PPP4R4: variants seen among roughly 807,000 people sequenced by gnomAD.
PPP4R4 encodes protein phosphatase 4 regulatory subunit 4.
PPP4R4 carries 70 observed loss-of-function variants against 121.8 expected under a neutral mutation model. That is an observed-to-expected ratio of 0.57 (90% CI 0.47 to 0.70). PPP4R4 has a LOEUF of 0.70. Ranked by LOEUF, PPP4R4 falls within the 30% of genes least tolerant of loss-of-function variation. The probability of loss-of-function intolerance (pLI) is 0.00; values close to 1 mark genes in which losing one functional copy is unlikely to be tolerated. For missense variants in PPP4R4, 875 were observed against 1,033.6 expected (o/e 0.85, Z 2.10); for synonymous variants, 348 against 355.7 (o/e 0.98, Z 0.24).
At chr14:94,183,654 C>T (rs2139384100) in intron 2 of PPP4R4, among the ~76,000 whole-genome samples, 1 of 152,154 alleles carries the variant, frequency 6.6e-6, no homozygotes, top group African/African-American at 2.4e-5. Flanking sequence ...CTCATGGGAT[C>T]TATAGGAAAA....
chr14:94,184,618 C>T (rs1889166708), intron 2 of PPP4R4, among the ~76,000 whole-genome samples: 1 of 152,146 alleles, frequency 6.6e-6, no homozygotes, highest in African/African-American at 2.4e-5. Flanking sequence ...GTCCAATGAA[C>T]TTTTAAATCT....
intron 2 of PPP4R4, among the ~76,000 whole-genome samples, chr14:94,191,570 A>G (rs1379189555): frequency 6.6e-6 from 1 of 152,122 alleles, no homozygotes; most frequent in Non-Finnish European, 1.5e-5. Flanking sequence ...TTCACCTTAC[A>G]CTGGTACAGA....
At chr14:94,243,304 A>G (rs184381071) in intron 11 of PPP4R4, among the ~76,000 whole-genome samples, 126 of 152,250 alleles carry the variant, frequency 8.3e-4, no homozygotes, top group African/African-American at 2.9e-3. Flanking sequence ...CTGCACAATT[A>G]TATCATCTTT....
At chr14:94,257,529 T>A (rs1175083672) in intron 17 of PPP4R4, among the ~76,000 whole-genome samples, 2 of 151,956 alleles carry the variant, frequency 1.3e-5, no homozygotes, top group Non-Finnish European at 2.9e-5. Flanking sequence ...TTTAATTAAG[T>A]GATTTGATGA....
intron 5 of PPP4R4, 78 bp from the exon 6 acceptor site, chr14:94,233,575 A>T: frequency 1.1e-6 from 1 of 878,256 alleles, no homozygotes; most frequent in Non-Finnish European, 1.8e-6. Context: ...ACTTTAAAAT[A>T]CTCTGAAGGA....
chr14:94,272,230 A>G (rs1213406156), intron 23 of PPP4R4, among the ~76,000 whole-genome samples: 1 of 152,250 alleles, frequency 6.6e-6, no homozygotes, highest in Admixed American at 6.5e-5. Context: ...ACAAAGCTAG[A>G]AGATTGACAC....
chr14:94,183,036 T>G (rs563268339), intron 2 of PPP4R4, among the ~76,000 whole-genome samples: 1 of 151,894 alleles, frequency 6.6e-6, no homozygotes, highest in Admixed American at 6.5e-5. Context: ...ACCATCTAAC[T>G]TTTTTTCTTT....
intron 3 of PPP4R4, among the ~76,000 whole-genome samples, chr14:94,221,707 G>A (rs1030247728): frequency 3.3e-5 from 5 of 151,980 alleles, no homozygotes; most frequent in East Asian, 1.9e-4. Flanking sequence ...TTGACCATAC[G>A]AAGTATTGTG....
chr14:94,234,355 A>G (rs1317440250), intron 6 of PPP4R4, among the ~76,000 whole-genome samples: 2 of 152,214 alleles, frequency 1.3e-5, no homozygotes, highest in African/African-American at 4.8e-5. Flanking sequence ...CCATTATTTT[A>G]AAAAGACTGT....
chr14:94,266,309 G>A (rs950480729), intron 22 of PPP4R4, among the ~76,000 whole-genome samples: 9 of 152,070 alleles, frequency 5.9e-5, no homozygotes, highest in African/African-American at 1.9e-4. Context: ...AGTGATCACA[G>A]CAGAGTTAGC....
intron 7 of PPP4R4, among the ~76,000 whole-genome samples, chr14:94,237,267 A>G (rs1178245999): frequency 1.3e-5 from 2 of 152,152 alleles, no homozygotes; most frequent in African/African-American, 4.8e-5. Flanking sequence ...CTTAAAATGG[A>G]AAACTATATT....
At chr14:94,247,475 C>T (rs1250362699) in intron 14 of PPP4R4, among the ~76,000 whole-genome samples, 1 of 152,222 alleles carries the variant, frequency 6.6e-6, no homozygotes, top group Non-Finnish European at 1.5e-5. Context: ...TACCAGCAGA[C>T]ATACCTTGCA....
rs563390373 is a variant in PPP4R4, at chr14:94,239,767, C to T, written c.854-906C>T. Reference sequence around the variant, plus strand: ...TTTATAGATCCCTGCCTTATACCAGCTATTAAGACAGTGATCACATTGTCT... The same window carrying T: ...TTTATAGATCCCTGCCTTATACCAGTTATTAAGACAGTGATCACATTGTCT... On this transcript the variant is annotated intron_variant, in intron 8 of 24. Coordinates refer to ENST00000304338, the MANE Select transcript of PPP4R4 (RefSeq NM_058237.2). Among the ~76,000 whole-genome samples, 68 of 152,258 alleles carry T rather than the reference C, an allele frequency of 4.5e-4. 1 individual carries two copies. The East Asian group carries it at 0.011, about 25-fold the overall frequency.
At chr14:94,227,409 T>C (rs1327021946) in intron 3 of PPP4R4, 1 of 1,599,210 alleles carries the variant, frequency 6.3e-7, no homozygotes, top group Non-Finnish European at 8.5e-7. Context: ...GTATTATGTT[T>C]CAGAAAAATA....
intron 23 of PPP4R4, among the ~76,000 whole-genome samples, chr14:94,268,046 TTAAC>T (rs765348536): frequency 1.3e-5 from 2 of 152,208 alleles, no homozygotes; most frequent in East Asian, 1.9e-4. Flanking sequence ...AGAAAGTTGA[TTAAC>T]TAAAATTTTC....
intron 10 of PPP4R4, 100 bp from the exon 11 acceptor site, chr14:94,242,189 G>C (rs1178631504): frequency 7.2e-7 from 1 of 1,395,174 alleles, no homozygotes; most frequent in African/African-American, 1.4e-5. Context: ...TTACAATTCA[G>C]AGAACATGAT....
chr14:94,195,359 C>T (rs547411456), intron 2 of PPP4R4, among the ~76,000 whole-genome samples: 3 of 152,244 alleles, frequency 2.0e-5, no homozygotes, highest in Admixed American at 1.3e-4. Context: ...AAGTGGATTC[C>T]GACACATGCT....
chr14:94,242,038 C>T, intron 10 of PPP4R4, 81 bp downstream of exon 10: 1 of 1,343,048 alleles, frequency 7.4e-7, no homozygotes, highest in East Asian at 2.5e-5. Context: ...CAAAATATTG[C>T]CATTTTTGAC....
At position 94,176,076 on chromosome 14, in the gene PPP4R4, T is replaced by A. The variant is rs768581979; in HGVS notation, c.140T>A (p.Leu47Ter). Residue 47 changes from leucine to a stop codon, truncating the protein, a stop_gained, in exon 2 of 25, where the codon TTG (leucine) becomes TAG (stop). Coordinates refer to ENST00000304338, the MANE Select transcript of PPP4R4 (RefSeq NM_058237.2). LOFTEE classifies it high-confidence loss of function. ...SLKTPEEIER[L>*]TVDEDLSDIE... ...CAGACACCGGAAGAAATAGAAAGAT[T>A]GACAGTCGATGAAGACCTCAGTGAT... is the stretch of plus-strand genomic sequence containing the variant. 1 of 1,612,610 alleles carries A rather than the reference T, an allele frequency of 6.2e-7. No homozygotes were observed. The highest frequency in any genetic ancestry group is 8.5e-7 in the Non-Finnish European group (1 of 1,178,582).
Sources: allele counts gnomAD v4.1 joint callset (sites outside exome capture counted in the v4.1 genomes callset), GRCh38; gene constraint gnomAD v4.1.1; transcripts MANE v1.5; gene names NCBI Gene and HGNC (gene_info 2026-07-23, HGNC 2026-07-21).